PLXNA4: variants seen among roughly 807,000 people sequenced by gnomAD.
PLXNA4 encodes plexin A4, also known as plexin-A4.
A neutral mutation model predicts 191.8 loss-of-function variants in PLXNA4; 44 were observed. The ratio of observed to expected loss-of-function variants is 0.23; its 90% CI spans 0.18 to 0.29. PLXNA4 has a LOEUF of 0.29. Among genes scored for constraint, PLXNA4 ranks in the 10% least tolerant of loss-of-function variants. The pLI, the probability that PLXNA4 is intolerant of heterozygous loss-of-function variation, is 1.00. For synonymous variants in PLXNA4, 1,082 were observed against 1,009.5 expected, an observed-to-expected ratio of 1.07 and a Z score of -1.36; for missense variants, 1,800 against 2,488.8, an observed-to-expected ratio of 0.72 and a Z score of 5.89.
intron 2 of PLXNA4, among the ~76,000 whole-genome samples, chr7:132,592,685 C>G (rs1802623251): frequency 6.6e-6 from 1 of 151,956 alleles, no homozygotes. Flanking sequence ...TGCTGTAGCC[C>G]TTTCATGCTG....
chr7:132,148,499 G>A, intron 26 of PLXNA4, 44 bp downstream of exon 26: 1 of 1,612,102 alleles, frequency 6.2e-7, no homozygotes, highest in Non-Finnish European at 8.5e-7. Flanking sequence ...CAGGGCAAGG[G>A]ACTTGTAGTT....
chr7:132,438,694 C>T (rs1018852760), intron 3 of PLXNA4, among the ~76,000 whole-genome samples: 6 of 152,170 alleles, frequency 3.9e-5, no homozygotes, highest in Non-Finnish European at 8.8e-5. Flanking sequence ...TAGCCTAATG[C>T]CCTGCACATA....
At chr7:132,496,969 C>T (rs892974728) in intron 2 of PLXNA4, among the ~76,000 whole-genome samples, 8 of 152,206 alleles carry the variant, frequency 5.3e-5, no homozygotes, top group South Asian at 2.1e-4. Flanking sequence ...TGAGAAATGA[C>T]GTTTTGAAAA....
chr7:132,229,825 G>C (rs935986894), intron 5 of PLXNA4, among the ~76,000 whole-genome samples: 19 of 151,990 alleles, frequency 1.3e-4, no homozygotes, highest in Admixed American at 9.8e-4. Flanking sequence ...ATGAGGGAAG[G>C]GGGTACCTGG....
intron 9 of PLXNA4, among the ~76,000 whole-genome samples, chr7:132,217,018 G>T (rs547022791): frequency 6.6e-6 from 1 of 152,300 alleles, no homozygotes; most frequent in Non-Finnish European, 1.5e-5. Flanking sequence ...ACATTCTGCA[G>T]TTCTAAGAAT....
At chr7:132,248,800 G>A (rs548999920) in intron 4 of PLXNA4, among the ~76,000 whole-genome samples, 1 of 152,320 alleles carries the variant, frequency 6.6e-6, no homozygotes, top group Admixed American at 6.5e-5. Context: ...CAGAAGCAAA[G>A]ATGTGCTTCA....
At chr7:132,553,770 G>A (rs1186531879) in intron 1 of PLXNA4, among the ~76,000 whole-genome samples, 13 of 152,136 alleles carry the variant, frequency 8.5e-5, no homozygotes, top group African/African-American at 3.1e-4. Context: ...AAACAGCAGG[G>A]TCCCCACTGA....
upstream of PLXNA4, among the ~76,000 whole-genome samples, chr7:132,578,941 A>G (rs1426899037): frequency 1.3e-5 from 2 of 152,200 alleles, no homozygotes; most frequent in Non-Finnish European, 2.9e-5. Context: ...GACACACATA[A>G]CAAAATCACT....
chr7:132,248,215 A>C (rs138039134), intron 4 of PLXNA4, among the ~76,000 whole-genome samples: 1 of 152,282 alleles, frequency 6.6e-6, no homozygotes, highest in East Asian at 1.9e-4. Flanking sequence ...CTGGGCCCCA[A>C]ATGAACCCAC....
chr7:132,338,040 G>C (rs1339761535), intron 3 of PLXNA4, among the ~76,000 whole-genome samples: 2 of 152,166 alleles, frequency 1.3e-5, no homozygotes, highest in African/African-American at 4.8e-5. Context: ...GTAGAGCGCT[G>C]TTATATACTC....
intron 3 of PLXNA4, among the ~76,000 whole-genome samples, chr7:132,379,116 G>A (rs1804784317): frequency 6.6e-6 from 1 of 152,146 alleles, no homozygotes; most frequent in South Asian, 2.1e-4. Flanking sequence ...CTCCCAAAGT[G>A]CTGGGATTAC....
chr7:132,521,809 G>A (rs914687700), intron 1 of PLXNA4, among the ~76,000 whole-genome samples: 3 of 152,142 alleles, frequency 2.0e-5, no homozygotes, highest in Admixed American at 2.0e-4. Context: ...CTCTACCTCT[G>A]AAATCAACAC....
intron 3 of PLXNA4, among the ~76,000 whole-genome samples, chr7:132,365,427 T>C (rs945504309): frequency 9.2e-5 from 14 of 151,630 alleles, no homozygotes; most frequent in African/African-American, 3.4e-4. Context: ...GTCAGAAAAC[T>C]GGATTCTATG....
At chr7:132,486,934 C>T (rs1309463238) in intron 3 of PLXNA4, among the ~76,000 whole-genome samples, 1 of 152,144 alleles carries the variant, frequency 6.6e-6, no homozygotes, top group African/African-American at 2.4e-5. Flanking sequence ...CATGGTGCTG[C>T]ACTTGACCTC....
At chr7:132,231,579 C>T (rs530430873) in intron 5 of PLXNA4, among the ~76,000 whole-genome samples, 35 of 152,324 alleles carry the variant, frequency 2.3e-4, no homozygotes, top group African/African-American at 7.9e-4. Flanking sequence ...CACACACCGC[C>T]ATGCCCAACT....
intron 3 of PLXNA4, among the ~76,000 whole-genome samples, chr7:132,455,748 G>A (rs916165431): frequency 2.0e-5 from 3 of 152,118 alleles, no homozygotes; most frequent in South Asian, 2.1e-4. Context: ...GTGGCCTAGC[G>A]GAGGGGTGGG....
At chr7:132,177,286 T>A (rs1796507611) in intron 20 of PLXNA4, among the ~76,000 whole-genome samples, 1 of 152,194 alleles carries the variant, frequency 6.6e-6, no homozygotes. Flanking sequence ...TACACGGGTA[T>A]GTTTATATAT....
At chr7:132,265,055 T>C (rs1799798285) in intron 4 of PLXNA4, among the ~76,000 whole-genome samples, 1 of 152,164 alleles carries the variant, frequency 6.6e-6, no homozygotes, top group South Asian at 2.1e-4. Context: ...AAATCAGCTT[T>C]TAAACAACGA....
At chr7:132,244,722 G>A (rs1798990428) in intron 4 of PLXNA4, among the ~76,000 whole-genome samples, 1 of 152,192 alleles carries the variant, frequency 6.6e-6, no homozygotes, top group African/African-American at 2.4e-5. Flanking sequence ...AGGCCTCCCA[G>A]ACTGGCTGCA....
Sources: gnomAD v4.1 joint callset for allele counts (sites outside exome capture counted in the v4.1 genomes callset) on GRCh38, gnomAD v4.1.1 for gene constraint, MANE v1.5 for transcripts, NCBI Gene and HGNC (gene_info 2026-07-23, HGNC 2026-07-21) for gene names.